C2CD3: variants seen among roughly 807,000 people sequenced by gnomAD.
C2CD3 encodes C2 domain-containing protein 3.
In C2CD3, 148 loss-of-function variants were observed where a neutral mutation model predicts 234.0. That is an observed-to-expected ratio of 0.63 (90% CI 0.55 to 0.72). The LOEUF (loss-of-function observed/expected upper bound fraction) is 0.72, where lower values mean the gene tolerates loss of function less well. Among genes scored for constraint, C2CD3 ranks in the 30% least tolerant of loss-of-function variants. C2CD3 has a pLI of 0.00. For synonymous variants in C2CD3, 1,000 were observed against 1,035.4 expected, an observed-to-expected ratio of 0.97 and a Z score of 0.66; for missense variants, 2,577 against 2,811.5, an observed-to-expected ratio of 0.92 and a Z score of 1.89.
rs1363248252 is a variant in C2CD3, at chr11:74,033,720, G to A, written c.6440C>T (p.Pro2147Leu). 6.5e-7 allele frequency: 1 copy of A among 1,536,322 alleles called. No homozygotes were observed. The highest frequency in any genetic ancestry group is 8.7e-7 in the Non-Finnish European group (1 of 1,146,958). Residue 2147 changes from proline to leucine, a missense_variant, in exon 31 of 33, where the codon CCT becomes CTT. Physicochemically the swap from Pro to Leu is moderately conservative, Grantham distance 98. Transcript: ENST00000334126. ...CTCACAAGCAACAAGACTTTGGCTA[G>A]GAGAACCCTGCCTAGGCAGGTGGGG... ...VNPHLPRQGS[P>L]SQSLVACECE...
chr11:74,032,423 T>TG (rs1952559314), intron 31 of C2CD3, among the ~76,000 whole-genome samples: 1 of 152,034 alleles, frequency 6.6e-6, no homozygotes, highest in Admixed American at 6.5e-5. Flanking sequence ...TGGTCCTAAG[T>TG]GGTTTCCTTT....
chr11:74,163,218 T>C (rs959473613), intron 2 of C2CD3, among the ~76,000 whole-genome samples: 1 of 152,204 alleles, frequency 6.6e-6, no homozygotes, highest in African/African-American at 2.4e-5. Context: ...GCTATTTCTG[T>C]ATAAGCCATG....
intron 7 of C2CD3, among the ~76,000 whole-genome samples, chr11:74,128,332 G>C (rs1431171594): frequency 6.6e-6 from 1 of 151,898 alleles, no homozygotes; most frequent in African/African-American, 2.4e-5. Flanking sequence ...TTCCCTTTCT[G>C]TGGTGTCTTC....
intron 20 of C2CD3, among the ~76,000 whole-genome samples, chr11:74,086,879 G>C (rs1007836613): frequency 6.6e-6 from 1 of 152,086 alleles, no homozygotes; most frequent in African/African-American, 2.4e-5. Flanking sequence ...GTTCCTTCCT[G>C]TTAAAACCTT....
At chr11:74,078,838 C>T (rs1955195403) in intron 22 of C2CD3, 121 bp from the exon 23 acceptor site, 1 of 875,630 alleles carries the variant, frequency 1.1e-6, no homozygotes, top group Non-Finnish European at 1.7e-6. Context: ...AAAACATACC[C>T]ACAGTGAGTT....
Position 74,139,663 on chromosome 11 carries a change from T to C in C2CD3, c.649A>G (p.Thr217Ala), listed in dbSNP as rs1409211824. The C allele has an allele frequency of 6.2e-7, 1 of 1,613,904 alleles. No individual in the cohort carries two copies. The highest frequency in any genetic ancestry group is 2.2e-5 in the East Asian group (1 of 44,898). Residue 217 changes from threonine to alanine, a missense_variant, in exon 4 of 33, where the codon ACC becomes GCC. Physicochemically the swap from Thr to Ala is moderately conservative, Grantham distance 58. Coordinates refer to ENST00000334126, the MANE Select transcript of C2CD3 (RefSeq NM_001286577.2). ...QVPSRPRDIH[T>A]IKIDGKELAA... is the part of the protein sequence containing the mutation. ...AACTCTTTTCCATCAATTTTGATGG[T>C]ATGTATGTCGCGAGGCCTTGATGGA...
chr11:74,051,886 T>G (rs773154794), intron 26 of C2CD3, among the ~76,000 whole-genome samples: 9 of 152,162 alleles, frequency 5.9e-5, no homozygotes, highest in Non-Finnish European at 1.0e-4. Context: ...GAAACTTAAA[T>G]AAAACATCTG....
intron 8 of C2CD3, among the ~76,000 whole-genome samples, chr11:74,121,491 C>T (rs928907076): frequency 6.6e-6 from 1 of 151,344 alleles, no homozygotes; most frequent in African/African-American, 2.4e-5. Flanking sequence ...CCTGTAATCC[C>T]AGCTACTCGG....
chr11:74,048,161 C>A (rs749029738), intron 28 of C2CD3, 44 bp downstream of exon 28: 5 of 1,597,160 alleles, frequency 3.1e-6, no homozygotes, highest in Non-Finnish European at 4.3e-6. Context: ...CACACACTTC[C>A]ATTTTTTAAC....
At chr11:74,113,918 A>G (rs1388672445) in intron 10 of C2CD3, 26 bp from the exon 11 acceptor site, 5 of 1,302,328 alleles carry the variant, frequency 3.8e-6, no homozygotes, top group East Asian at 2.3e-5. Flanking sequence ...AAGTGATTAA[A>G]AACTAACCAA....
At chr11:74,058,578 A>T (rs1954066204) in intron 24 of C2CD3, among the ~76,000 whole-genome samples, 1 of 152,172 alleles carries the variant, frequency 6.6e-6, no homozygotes, top group African/African-American at 2.4e-5. Flanking sequence ...CAATTCAAGC[A>T]TTCTGGCTCC....
rs147709320 is a variant in C2CD3, at chr11:74,123,094, G to A, written c.1259C>T (p.Ser420Phe). ...SQGNFWDGLG[S>F]PPDSPSPGSD... ...CCCAGGAGATGGGGAATCTGGAGGA[G>A]AGCCTAGCCCATCCCAGAAATTGCC... The change falls in exon 8 of 33, where the codon TCT (serine) becomes TTT (phenylalanine). Residue 420 changes from serine to phenylalanine, a missense_variant. Physicochemically the swap from Ser to Phe is radical, Grantham distance 155. Transcript: ENST00000334126. 4.7e-4 allele frequency: 762 copies of A among 1,612,776 alleles called. 2 individuals carry two copies. Among genetic ancestry groups the A allele is most frequent in the Non-Finnish European group, 6.2e-4 (729 of 1,178,872 alleles).
At chr11:74,156,753 T>C (rs1856054510) in intron 3 of C2CD3, among the ~76,000 whole-genome samples, 1 of 152,154 alleles carries the variant, frequency 6.6e-6, no homozygotes, top group African/African-American at 2.4e-5. Context: ...GCAGATCACT[T>C]GAAGTCCAGA....
At chr11:74,024,841 A>G (rs1301433577) in intron 32 of C2CD3, among the ~76,000 whole-genome samples, 3 of 152,126 alleles carry the variant, frequency 2.0e-5, no homozygotes, top group Non-Finnish European at 4.4e-5. Flanking sequence ...GAGGCCCATC[A>G]CTAGCCAGGA....
At chr11:74,023,639 C>T (rs78413859) in intron 32 of C2CD3, among the ~76,000 whole-genome samples, 4,056 of 152,242 alleles carry the variant, frequency 0.027, 71 homozygotes, top group Non-Finnish European at 0.039. Flanking sequence ...CTCTAAATCC[C>T]ACACCCTTTC....
At position 74,139,626 on chromosome 11, in the gene C2CD3, C is replaced by A. The variant is rs781516719; in HGVS notation, c.686G>T (p.Ser229Ile). The A allele has an allele frequency of 1.3e-5, 21 of 1,613,310 alleles. No individual in the cohort carries two copies. Among genetic ancestry groups the A allele is most frequent in the African/African-American group, 9.3e-5 (7 of 74,884 alleles). Residue 229 changes from serine (S) to isoleucine (I), a missense_variant, in exon 4 of 33, where the codon AGC (serine) becomes ATC (isoleucine). Transcript: ENST00000334126. ...KIDGKELAAN[S>I]SRSTTPRGKD... ...TTACCTCGGAGTGGTTGATCTACTG[C>A]TGTTGGCTGCTAACTCTTTTCCATC... is the stretch of plus-strand genomic sequence containing the variant.
chr11:74,153,947 A>T (rs1470083805), intron 3 of C2CD3, among the ~76,000 whole-genome samples: 2 of 152,140 alleles, frequency 1.3e-5, no homozygotes, highest in Non-Finnish European at 2.9e-5. Flanking sequence ...ATATTCAAAC[A>T]AAATTTAATG....
intron 3 of C2CD3, among the ~76,000 whole-genome samples, chr11:74,153,209 TAAAAACAAAA>T (rs1409629488): frequency 9.1e-6 from 1 of 110,008 alleles, no homozygotes; most frequent in Non-Finnish European, 2.0e-5. Context: ...CTCTGTCTCT[TAAAAACAAAA>T]CAAAACAAAA....
At chr11:74,100,358 C>G (rs1956267023) in intron 15 of C2CD3, among the ~76,000 whole-genome samples, 167 bp downstream of exon 15, 1 of 152,174 alleles carries the variant, frequency 6.6e-6, no homozygotes. Flanking sequence ...AGCAATATCT[C>G]TAAGACTGCT....
Sources: gnomAD v4.1 joint callset for allele counts (sites outside exome capture counted in the v4.1 genomes callset) on GRCh38, gnomAD v4.1.1 for gene constraint, MANE v1.5 for transcripts, NCBI Gene and HGNC (gene_info 2026-07-23, HGNC 2026-07-21) for gene names.